Variants in RTN4RL1 observed in about 807,000 individuals in gnomAD.
RTN4RL1 encodes the protein reticulon 4 receptor like 1.
RTN4RL1 carries 7 observed loss-of-function variants against 25.6 expected under a neutral mutation model. The ratio of observed to expected loss-of-function variants is 0.27; its 90% CI spans 0.16 to 0.51. RTN4RL1 has a LOEUF of 0.51. Among genes scored for constraint, RTN4RL1 ranks in the 20% least tolerant of loss-of-function variants. The pLI is 0.97. For synonymous variants in RTN4RL1, 297 were observed against 288.2 expected, an observed-to-expected ratio of 1.03 and a Z score of -0.31; for missense variants, 500 against 615.6, an observed-to-expected ratio of 0.81 and a Z score of 1.99.
intron 1 of RTN4RL1, among the ~76,000 whole-genome samples, chr17:1,986,639 G>A (rs554870325): frequency 6.6e-6 from 1 of 152,080 alleles, no homozygotes; most frequent in South Asian, 2.1e-4. Context: ...AAGAGCCTTC[G>A]TGGGGTGCAC....
At chr17:2,004,290 C>G (rs1044902298) in intron 1 of RTN4RL1, among the ~76,000 whole-genome samples, 4 of 148,516 alleles carry the variant, frequency 2.7e-5, no homozygotes, top group African/African-American at 1.0e-4. Context: ...ATGATGTGAA[C>G]CTGGGAGGCG....
intron 1 of RTN4RL1, among the ~76,000 whole-genome samples, chr17:2,006,225 T>G (rs1032803228): frequency 2.0e-5 from 3 of 151,092 alleles, no homozygotes; most frequent in South Asian, 2.1e-4. Flanking sequence ...TGGCACAATC[T>G]CGGCTCACTG....
chr17:2,015,746 C>A (rs961414788), intron 1 of RTN4RL1, among the ~76,000 whole-genome samples: 1 of 151,778 alleles, frequency 6.6e-6, no homozygotes, highest in African/African-American at 2.4e-5. Flanking sequence ...GTGTGGACAA[C>A]CCCTTCCTTG....
intron 1 of RTN4RL1, among the ~76,000 whole-genome samples, chr17:1,961,966 A>AAAAGAAAGAAAAG (rs1555518137): frequency 3.4e-5 from 5 of 145,010 alleles, no homozygotes; most frequent in Admixed American, 2.8e-4. Flanking sequence ...AAAAGAAAAG[A>AAAAGAAAGAAAAG]AAAGAAAGAA....
intron 1 of RTN4RL1, among the ~76,000 whole-genome samples, chr17:1,968,495 G>A (rs150157776): frequency 2.0e-5 from 3 of 152,284 alleles, no homozygotes; most frequent in Admixed American, 2.0e-4. Flanking sequence ...AGCTCCGATG[G>A]TGTCACTCCC....
At chr17:1,941,543 T>G (rs1297178774) in intron 1 of RTN4RL1, among the ~76,000 whole-genome samples, 2 of 152,010 alleles carry the variant, frequency 1.3e-5, no homozygotes, top group Non-Finnish European at 1.5e-5. Context: ...CAGGCACCAG[T>G]GTGGGCAGCC....
At chr17:2,015,863 G>A (rs1489926656) in intron 1 of RTN4RL1, among the ~76,000 whole-genome samples, 1 of 152,146 alleles carries the variant, frequency 6.6e-6, no homozygotes. Context: ...TGTGGACAGC[G>A]GACAGTCCTC....
chr17:1,992,235 G>C (rs2151319524), intron 1 of RTN4RL1, among the ~76,000 whole-genome samples: 1 of 151,982 alleles, frequency 6.6e-6, no homozygotes, highest in South Asian at 2.1e-4. Flanking sequence ...GTGGTGGCGG[G>C]CGCCTGCAGT....
chr17:1,993,183 G>A (rs1567518930), intron 1 of RTN4RL1, among the ~76,000 whole-genome samples: 2 of 152,302 alleles, frequency 1.3e-5, no homozygotes, highest in Non-Finnish European at 1.5e-5. Context: ...GGGAGGCGGA[G>A]GTTGCAGAGA....
At chr17:1,939,355 T>A (rs1430999452) in intron 1 of RTN4RL1, among the ~76,000 whole-genome samples, 3 of 143,782 alleles carry the variant, frequency 2.1e-5, no homozygotes, top group African/African-American at 7.9e-5. Flanking sequence ...TCCGTCTCAA[T>A]AAATAAATAA....
chr17:2,018,257 C>G (rs1213102873), intron 1 of RTN4RL1: 1 of 152,366 alleles, frequency 6.6e-6, no homozygotes, highest in Non-Finnish European at 1.5e-5. Flanking sequence ...AGAGCACAGC[C>G]CCCCAATAAT....
intron 1 of RTN4RL1, among the ~76,000 whole-genome samples, chr17:2,005,897 A>G (rs1347415976): frequency 6.7e-6 from 1 of 148,756 alleles, no homozygotes; most frequent in African/African-American, 2.5e-5. Flanking sequence ...CCCGGGTTCC[A>G]GCGATTCTCC....
chr17:1,999,477 C>A (rs1043882489), intron 1 of RTN4RL1, among the ~76,000 whole-genome samples: 2 of 144,812 alleles, frequency 1.4e-5, no homozygotes, highest in Admixed American at 1.4e-4. Flanking sequence ...CACACACACA[C>A]ATGAACTGCC....
At chr17:2,017,037 A>G (rs577342648) in intron 1 of RTN4RL1, among the ~76,000 whole-genome samples, 7 of 152,354 alleles carry the variant, frequency 4.6e-5, no homozygotes, top group African/African-American at 1.4e-4. Flanking sequence ...CTTAGCCTCC[A>G]TATCCCCATC....
chr17:1,970,195 G>A (rs1485329246), intron 1 of RTN4RL1, among the ~76,000 whole-genome samples: 1 of 152,010 alleles, frequency 6.6e-6, no homozygotes, highest in Non-Finnish European at 1.5e-5. Flanking sequence ...CCAATTTTCT[G>A]TATTTAGTAG....
intron 1 of RTN4RL1, among the ~76,000 whole-genome samples, chr17:2,021,927 C>T (rs895592922): frequency 1.6e-4 from 23 of 147,920 alleles, no homozygotes; most frequent in African/African-American, 4.0e-4. Context: ...TGTACAATCT[C>T]GGCCCACTGC....
At chr17:1,959,773 C>G (rs1915859964) in intron 1 of RTN4RL1, among the ~76,000 whole-genome samples, 1 of 152,164 alleles carries the variant, frequency 6.6e-6, no homozygotes, top group Admixed American at 6.5e-5. Context: ...CCATGTGGGC[C>G]CAGCTGGTTT....
At chr17:1,972,637 T>C (rs976484034) in intron 1 of RTN4RL1, among the ~76,000 whole-genome samples, 4 of 152,162 alleles carry the variant, frequency 2.6e-5, no homozygotes, top group Non-Finnish European at 5.9e-5. Flanking sequence ...GACTCGTGCC[T>C]GTTTTCCCGC....
chr17:1,963,743 C>CT lies in RTN4RL1; in HGVS notation c.14-25936dup, dbSNP rs369301986. 3.5e-3 allele frequency among the ~76,000 whole-genome samples: 530 copies of CT among 151,996 alleles called. 8 individuals are homozygous for CT. The highest frequency in any genetic ancestry group is 0.011 in the African/African-American group (471 of 41,476). ...TTCGGAGTTTTTTCTTTTTCTTTTT[C>CT]TTTTTTTGAGACAGTTTCGCTCTTG... On this transcript the variant is annotated intron_variant, in intron 1 of 1. Transcript: ENST00000331238.
Sources: allele counts gnomAD v4.1 joint callset (sites outside exome capture counted in the v4.1 genomes callset), GRCh38; gene constraint gnomAD v4.1.1; transcripts MANE v1.5; gene names NCBI Gene and HGNC (gene_info 2026-07-23, HGNC 2026-07-21).